SLC24A2: variants seen among roughly 807,000 people sequenced by gnomAD.
The protein encoded by SLC24A2 is solute carrier family 24 member 2.
In SLC24A2, 36 loss-of-function variants were observed where a neutral mutation model predicts 62.0. That is an observed-to-expected ratio of 0.58 (90% confidence interval 0.44 to 0.77). SLC24A2 has a LOEUF of 0.77. Ranked by LOEUF, SLC24A2 falls within the 30% of genes least tolerant of loss-of-function variation. SLC24A2 has a pLI of 0.00. For synonymous variants in SLC24A2, 358 were observed against 294.0 expected (o/e 1.22, Z -2.23); for missense variants, 846 against 817.9 (o/e 1.03, Z -0.42).
At chr9:19,548,924 A>G (rs1834710311) in intron 8 of SLC24A2, among the ~76,000 whole-genome samples, 1 of 152,202 alleles carries the variant, frequency 6.6e-6, no homozygotes, top group Non-Finnish European at 1.5e-5. Context: ...TTAGGTATAC[A>G]GTTTTGTTGA....
chr9:19,603,074 A>C (rs895842960), intron 4 of SLC24A2, among the ~76,000 whole-genome samples: 1 of 152,168 alleles, frequency 6.6e-6, no homozygotes, highest in African/African-American at 2.4e-5. Context: ...GAATATCTGA[A>C]ACCATCCATG....
At chr9:20,164,002 C>A in the SLC24A2 span, among the ~76,000 whole-genome samples, 54 of 152,002 alleles carry the variant, frequency 3.6e-4, no homozygotes, top group African/African-American at 1.2e-3. Flanking sequence ...TAAAGACTTA[C>A]ATGTTAGACC....
At chr9:19,688,532 G>T (rs564136297) in intron 2 of SLC24A2, among the ~76,000 whole-genome samples, 1 of 151,618 alleles carries the variant, frequency 6.6e-6, no homozygotes, top group East Asian at 1.9e-4. Context: ...GAGTTGCATA[G>T]AAGAAAAACA....
chr9:19,981,303 C>A, the SLC24A2 span, among the ~76,000 whole-genome samples: 1 of 152,094 alleles, frequency 6.6e-6, no homozygotes, highest in Non-Finnish European at 1.5e-5. Flanking sequence ...AAGCATTGTT[C>A]TAGTCACTGA....
intron 7 of SLC24A2, among the ~76,000 whole-genome samples, chr9:19,557,881 T>C (rs953113010): frequency 1.3e-5 from 2 of 151,596 alleles, no homozygotes; most frequent in Non-Finnish European, 2.9e-5. Flanking sequence ...TGCAGTGGCA[T>C]GATCTCAGCT....
the SLC24A2 span, among the ~76,000 whole-genome samples, chr9:19,890,365 G>A: frequency 6.6e-6 from 1 of 152,192 alleles, no homozygotes; most frequent in African/African-American, 2.4e-5. Flanking sequence ...ACCACTGGAG[G>A]CTATTTTAGA....
the SLC24A2 span, among the ~76,000 whole-genome samples, chr9:19,875,276 G>A: frequency 2.0e-5 from 3 of 152,178 alleles, no homozygotes; most frequent in Admixed American, 6.5e-5. Context: ...CTTCTGCTTA[G>A]TAGATAACAT....
chr9:20,301,164 C>T, the SLC24A2 span, among the ~76,000 whole-genome samples: 1 of 152,206 alleles, frequency 6.6e-6, no homozygotes, highest in Non-Finnish European at 1.5e-5. Context: ...TGCTCTACCT[C>T]CAGTATCTTC....
intron 2 of SLC24A2, among the ~76,000 whole-genome samples, chr9:19,698,047 A>T (rs1055230056): frequency 1.3e-5 from 2 of 152,186 alleles, no homozygotes; most frequent in East Asian, 3.9e-4. Context: ...CTGGCTAGTT[A>T]TTGAAATTTA....
At chr9:19,843,574 T>C in the SLC24A2 span, among the ~76,000 whole-genome samples, 1 of 152,198 alleles carries the variant, frequency 6.6e-6, no homozygotes, top group Non-Finnish European at 1.5e-5. Flanking sequence ...ATTTGTTGTG[T>C]GGGTATGTTG....
At chr9:20,270,835 T>G in the SLC24A2 span, among the ~76,000 whole-genome samples, 2 of 152,254 alleles carry the variant, frequency 1.3e-5, no homozygotes, top group African/African-American at 4.8e-5. Context: ...ATTTGAAAGC[T>G]GATGTCTTAG....
the SLC24A2 span, among the ~76,000 whole-genome samples, chr9:20,065,665 T>C: frequency 6.6e-6 from 1 of 152,224 alleles, no homozygotes; most frequent in Non-Finnish European, 1.5e-5. Flanking sequence ...TATACCTATA[T>C]ACAGGTAAGA....
In SLC24A2 at chr9:19,517,227, T is replaced by C. The variant is rs16937585; in HGVS notation, c.1737-825A>G. Among the ~76,000 whole-genome samples the C allele has an allele frequency of 1.1e-3, 166 of 152,236 alleles. 4 individuals carry two copies. In the East Asian group the frequency reaches 0.031, roughly 28 times the overall value. On this transcript the variant is annotated intron_variant, in intron 10 of 10. Transcript: ENST00000341998. ...AGGAAGATGGCTGGAAGTGCAAGGC[T>C]CAGGGAACATGGGCATTTCCAAGTG...
intron 2 of SLC24A2, among the ~76,000 whole-genome samples, chr9:19,716,377 C>T (rs766731607): frequency 3.7e-4 from 56 of 152,292 alleles, no homozygotes; most frequent in Middle Eastern, 3.4e-3. Flanking sequence ...TTATTGTGGG[C>T]TTACTATGTG....
chr9:19,749,574 G>C (rs1587264544), intron 2 of SLC24A2, among the ~76,000 whole-genome samples: 1 of 152,162 alleles, frequency 6.6e-6, no homozygotes, highest in South Asian at 2.1e-4. Context: ...TATAAGAAAT[G>C]TTCAACGTAG....
chr9:19,721,699 A>T (rs976585119), intron 2 of SLC24A2, among the ~76,000 whole-genome samples: 19 of 152,276 alleles, frequency 1.2e-4, no homozygotes, highest in African/African-American at 4.3e-4. Flanking sequence ...CATTCCTATG[A>T]CTTTCTAATG....
intron 2 of SLC24A2, among the ~76,000 whole-genome samples, chr9:19,675,409 C>T (rs1484099851): frequency 6.6e-6 from 1 of 152,230 alleles, no homozygotes; most frequent in East Asian, 1.9e-4. Flanking sequence ...GGGCAGGGCC[C>T]TAGAGCTGCC....
At chr9:20,171,095 A>C in the SLC24A2 span, among the ~76,000 whole-genome samples, 122 of 152,064 alleles carry the variant, frequency 8.0e-4, 1 homozygote, top group Non-Finnish European at 1.6e-4. Flanking sequence ...TTATCAGCCA[A>C]GAATTTTGTG....
At chr9:20,187,139 C>G in the SLC24A2 span, among the ~76,000 whole-genome samples, 1 of 152,184 alleles carries the variant, frequency 6.6e-6, no homozygotes, top group Non-Finnish European at 1.5e-5. Flanking sequence ...TCCATGCACC[C>G]AGGCTTATTT....
Sources: allele counts gnomAD v4.1 joint callset (sites outside exome capture counted in the v4.1 genomes callset), GRCh38; gene constraint gnomAD v4.1.1; transcripts MANE v1.5; gene names NCBI Gene and HGNC (gene_info 2026-07-23, HGNC 2026-07-21).